GALNT10: variants seen among roughly 807,000 people sequenced by gnomAD.
GALNT10 encodes the protein GalNAc transferase 10.
Under a neutral mutation model 75.0 loss-of-function variants are expected in GALNT10, and 41 were observed. The observed-to-expected ratio is 0.55, with a 90% CI of 0.43 to 0.71. The LOEUF (loss-of-function observed/expected upper bound fraction) is 0.71. Ranked by LOEUF, GALNT10 falls within the 30% of genes least tolerant of loss-of-function variation. The pLI, the probability that GALNT10 is intolerant of heterozygous loss-of-function variation, is 0.00. For missense variants in GALNT10, 727 were observed against 818.5 expected, an observed-to-expected ratio of 0.89 and a Z score of 1.36; for synonymous variants, 302 against 313.0, an observed-to-expected ratio of 0.96 and a Z score of 0.37.
At chr5:154,367,812 C>T (rs923196019) in intron 4 of GALNT10, among the ~76,000 whole-genome samples, 1 of 150,610 alleles carries the variant, frequency 6.6e-6, no homozygotes, top group Non-Finnish European at 1.5e-5. Flanking sequence ...GAGCCGAGAT[C>T]GCGCCCCTGC....
chr5:154,301,422 G>A (rs572221797), intron 3 of GALNT10, among the ~76,000 whole-genome samples: 2 of 151,734 alleles, frequency 1.3e-5, no homozygotes, highest in East Asian at 3.9e-4. Flanking sequence ...TATAATGATT[G>A]TATATATTTA....
intron 1 of GALNT10, among the ~76,000 whole-genome samples, chr5:154,282,329 C>T (rs557766948): frequency 6.6e-5 from 10 of 152,210 alleles, no homozygotes; most frequent in African/African-American, 2.2e-4. Context: ...AACACACAAA[C>T]TTTGGGGATC....
At chr5:154,259,234 G>T (rs945126734) in intron 1 of GALNT10, among the ~76,000 whole-genome samples, 2 of 152,060 alleles carry the variant, frequency 1.3e-5, no homozygotes, top group African/African-American at 2.4e-5. Context: ...TTGGCACTTT[G>T]GAAAACAGTA....
At chr5:154,336,577 A>G (rs1754948150) in intron 4 of GALNT10, among the ~76,000 whole-genome samples, 1 of 152,202 alleles carries the variant, frequency 6.6e-6, no homozygotes, top group Non-Finnish European at 1.5e-5. Flanking sequence ...TTCTAATGAC[A>G]TATGATATAG....
intron 1 of GALNT10, among the ~76,000 whole-genome samples, chr5:154,198,057 T>A (rs1314409489): frequency 6.6e-6 from 1 of 152,172 alleles, no homozygotes; most frequent in Non-Finnish European, 1.5e-5. Context: ...CTTCAGTAGC[T>A]GAAGTGGAGC....
chr5:154,278,236 G>A (rs1346640809), intron 1 of GALNT10, among the ~76,000 whole-genome samples: 1 of 144,652 alleles, frequency 6.9e-6, no homozygotes, highest in Non-Finnish European at 1.5e-5. Context: ...CCAAGGGGAA[G>A]AATCATGTTG....
intron 1 of GALNT10, among the ~76,000 whole-genome samples, chr5:154,284,291 C>T (rs979702445): frequency 3.9e-5 from 6 of 152,192 alleles, no homozygotes; most frequent in Non-Finnish European, 8.8e-5. Context: ...AGAACTGTGG[C>T]ACAAGCCTAG....
At chr5:154,246,324 A>G (rs1057474889) in intron 1 of GALNT10, among the ~76,000 whole-genome samples, 1 of 152,248 alleles carries the variant, frequency 6.6e-6, no homozygotes, top group African/African-American at 2.4e-5. Context: ...GTATATACCC[A>G]GTAATGGGAT....
intron 4 of GALNT10, among the ~76,000 whole-genome samples, chr5:154,336,904 A>G (rs1754952429): frequency 6.6e-6 from 1 of 152,228 alleles, no homozygotes; most frequent in Non-Finnish European, 1.5e-5. Flanking sequence ...CCTCAATGAT[A>G]TCAGACCTCT....
At chr5:154,285,805 A>G (rs1300099391) in intron 1 of GALNT10, among the ~76,000 whole-genome samples, 1 of 152,060 alleles carries the variant, frequency 6.6e-6, no homozygotes, top group African/African-American at 2.4e-5. Context: ...TGTATTTCTA[A>G]ATGCTCCTGG....
intron 3 of GALNT10, among the ~76,000 whole-genome samples, chr5:154,307,718 G>A (rs547831133): frequency 6.6e-6 from 1 of 151,652 alleles, no homozygotes; most frequent in South Asian, 2.1e-4. Flanking sequence ...GCATTATCCT[G>A]ATACCAAAAT....
rs541883823 is a variant in GALNT10 at position 154,228,547 on chromosome 5, C to G, written c.159+37522C>G. Among the ~76,000 whole-genome samples, 192 of 152,298 alleles carry G rather than the reference C, an allele frequency of 1.3e-3. 1 individual carries two copies. The highest frequency in any genetic ancestry group is 2.5e-3 in the Non-Finnish European group (171 of 68,020). ...TTCAGTTTGAAGTTTGTCAGATCTC[C>G]CAGGTACTCTGATTATGGACCAAAA... On this transcript the variant is annotated intron_variant, in intron 1 of 11. Coordinates refer to ENST00000297107, the MANE Select transcript of GALNT10 (RefSeq NM_198321.4).
chr5:154,380,133 C>T (rs1049080152), intron 5 of GALNT10, among the ~76,000 whole-genome samples: 5 of 152,144 alleles, frequency 3.3e-5, no homozygotes, highest in African/African-American at 9.7e-5. Context: ...GTATGCTAAG[C>T]ATTTTCAAAC....
chr5:154,275,936 G>A (rs1581951320), intron 1 of GALNT10, among the ~76,000 whole-genome samples: 1 of 152,190 alleles, frequency 6.6e-6, no homozygotes, highest in East Asian at 1.9e-4. Flanking sequence ...TGAGCTTGTG[G>A]AAAGGTTGTA....
At chr5:154,242,971 T>G (rs573801415) in intron 1 of GALNT10, among the ~76,000 whole-genome samples, 1 of 152,110 alleles carries the variant, frequency 6.6e-6, no homozygotes, top group South Asian at 2.1e-4. Context: ...TTCCTAAGAG[T>G]GTAGTAAGTC....
intron 4 of GALNT10, among the ~76,000 whole-genome samples, chr5:154,371,933 G>A (rs1438471884): frequency 1.3e-5 from 2 of 152,118 alleles, no homozygotes; most frequent in African/African-American, 2.4e-5. Flanking sequence ...ACAGCTTGGT[G>A]GTTACAAGTA....
At chr5:154,210,906 T>G (rs946636829) in intron 1 of GALNT10, among the ~76,000 whole-genome samples, 1 of 152,208 alleles carries the variant, frequency 6.6e-6, no homozygotes. Context: ...AGGGTTATCA[T>G]GTCTTCAACT....
chr5:154,203,030 G>A (rs556260718), intron 1 of GALNT10, among the ~76,000 whole-genome samples: 1 of 152,372 alleles, frequency 6.6e-6, no homozygotes, highest in South Asian at 2.1e-4. Context: ...CAAGCCAGAG[G>A]TATTAAAGGG....
chr5:154,223,585 A>T (rs1337674478), intron 1 of GALNT10, among the ~76,000 whole-genome samples: 2 of 152,230 alleles, frequency 1.3e-5, no homozygotes, highest in African/African-American at 4.8e-5. Context: ...TGAAGGATGT[A>T]CTTAACCTTG....
Sources: gnomAD v4.1 joint callset for allele counts (sites outside exome capture counted in the v4.1 genomes callset) on GRCh38, gnomAD v4.1.1 for gene constraint, MANE v1.5 for transcripts, NCBI Gene and HGNC (gene_info 2026-07-23, HGNC 2026-07-21) for gene names.